The following NPAS3 variants were observed in gnomAD, a reference collection of about 807,000 sequenced individuals.
NPAS3 encodes the protein neuronal PAS domain-containing protein 3.
Under a neutral mutation model 73.1 loss-of-function variants are expected in NPAS3, and 14 were observed. That is an observed-to-expected ratio of 0.19 (90% CI 0.13 to 0.30). NPAS3 has a LOEUF of 0.30. Among genes scored for constraint, NPAS3 ranks in the 10% least tolerant of loss-of-function variants. NPAS3 has a pLI of 1.00. For synonymous variants in NPAS3, 620 were observed against 541.5 expected (o/e 1.14, Z -2.01); for missense variants, 1,096 against 1,250.0 (o/e 0.88, Z 1.86).
chr14:33,437,808 A>G (rs573817160), intron 4 of NPAS3, among the ~76,000 whole-genome samples: 1 of 152,336 alleles, frequency 6.6e-6, no homozygotes, highest in South Asian at 2.1e-4. Flanking sequence ...CTTCCCTGTC[A>G]CAACTTTTCA....
chr14:33,025,461 G>A (rs181553305), intron 1 of NPAS3, among the ~76,000 whole-genome samples: 2 of 152,308 alleles, frequency 1.3e-5, no homozygotes, highest in Admixed American at 6.5e-5. Flanking sequence ...TAGTTCAGGT[G>A]TTAACTTGCT....
chr14:33,446,670 CTTTT>C (rs2049523305), intron 4 of NPAS3, among the ~76,000 whole-genome samples: 1 of 152,032 alleles, frequency 6.6e-6, no homozygotes, highest in South Asian at 2.1e-4. Flanking sequence ...TTCTTTCTTT[CTTTT>C]TAACTGCGTA....
At chr14:33,539,562 T>C (rs1375073144) in intron 4 of NPAS3, among the ~76,000 whole-genome samples, 1 of 151,942 alleles carries the variant, frequency 6.6e-6, no homozygotes, top group African/African-American at 2.4e-5. Context: ...TAGAAGGAAG[T>C]TTCATGTTGC....
chr14:33,301,320 A>AT (rs1401695395), intron 3 of NPAS3, among the ~76,000 whole-genome samples: 1,638 of 100,010 alleles, frequency 0.016, 179 homozygotes, highest in East Asian at 0.024. Flanking sequence ...ATATATATAT[A>AT]TATTTTTTTT....
chr14:33,307,553 G>T (rs775375451), intron 3 of NPAS3, among the ~76,000 whole-genome samples: 20 of 142,212 alleles, frequency 1.4e-4, no homozygotes, highest in South Asian at 9.0e-4. Context: ...AACTCTTCCT[G>T]CCAACTGTAA....
intron 5 of NPAS3, among the ~76,000 whole-genome samples, chr14:33,642,133 C>G (rs1340822093): frequency 6.6e-6 from 1 of 152,062 alleles, no homozygotes; most frequent in Non-Finnish European, 1.5e-5. Flanking sequence ...CAGAGGGCAG[C>G]GCTGAAGTTT....
chr14:33,469,051 G>A (rs1340984820), intron 4 of NPAS3, among the ~76,000 whole-genome samples: 1 of 152,106 alleles, frequency 6.6e-6, no homozygotes, highest in Admixed American at 6.6e-5. Context: ...GCATAGTACA[G>A]TATTTCCATC....
chr14:33,538,839 C>G (rs887709612), intron 4 of NPAS3, among the ~76,000 whole-genome samples: 8 of 152,162 alleles, frequency 5.3e-5, no homozygotes, highest in African/African-American at 1.9e-4. Flanking sequence ...AGACCCTACA[C>G]TTTTTTCTTG....
chr14:33,295,725 A>T (rs891009488), intron 3 of NPAS3, among the ~76,000 whole-genome samples: 1 of 152,212 alleles, frequency 6.6e-6, no homozygotes, highest in Non-Finnish European at 1.5e-5. Context: ...AGAGGTATTT[A>T]TAGAGTCCAT....
intron 5 of NPAS3, among the ~76,000 whole-genome samples, chr14:33,659,895 C>T (rs978443340): frequency 1.3e-5 from 2 of 152,024 alleles, no homozygotes; most frequent in Non-Finnish European, 2.9e-5. Context: ...AAAGAATCCC[C>T]AGGTATAAAG....
chr14:33,533,834 A>T (rs1176146895), intron 4 of NPAS3, among the ~76,000 whole-genome samples: 1 of 152,142 alleles, frequency 6.6e-6, no homozygotes, highest in African/African-American at 2.4e-5. Flanking sequence ...GTTACACATC[A>T]TATATACATA....
chr14:33,417,145 G>A (rs1207668070), intron 4 of NPAS3, among the ~76,000 whole-genome samples: 5 of 151,928 alleles, frequency 3.3e-5, no homozygotes, highest in Non-Finnish European at 7.4e-5. Flanking sequence ...TAAAAAATTA[G>A]AATATGAATC....
chr14:33,413,005 T>A (rs2047993908), intron 4 of NPAS3, among the ~76,000 whole-genome samples: 1 of 152,202 alleles, frequency 6.6e-6, no homozygotes, highest in Non-Finnish European at 1.5e-5. Flanking sequence ...ATTACTTTTT[T>A]AAAAATATAA....
chr14:33,793,798 C>CGGTGGTCG, intron 9 of NPAS3, 99 bp from the exon 10 acceptor site: 1 of 1,177,210 alleles, frequency 8.5e-7, no homozygotes, highest in Non-Finnish European at 1.2e-6. Context: ...TGTAGGTCCT[C>CGGTGGTCG]CCATTTTTAG....
chr14:33,083,023 A>T (rs1288255689), intron 2 of NPAS3, among the ~76,000 whole-genome samples: 2 of 151,858 alleles, frequency 1.3e-5, no homozygotes, highest in Non-Finnish European at 2.9e-5. Flanking sequence ...TCTACAAAAA[A>T]ACACAAAACA....
intron 4 of NPAS3, among the ~76,000 whole-genome samples, chr14:33,458,198 G>GT (rs2050106578): frequency 6.6e-6 from 1 of 152,162 alleles, no homozygotes; most frequent in Non-Finnish European, 1.5e-5. Flanking sequence ...GTATTCTTTT[G>GT]TTTTTTAAAA....
At chr14:33,261,711 T>A (rs1425578098) in intron 3 of NPAS3, among the ~76,000 whole-genome samples, 1 of 152,180 alleles carries the variant, frequency 6.6e-6, no homozygotes, top group Non-Finnish European at 1.5e-5. Flanking sequence ...ATTTTATGTG[T>A]CAAAGTAATT....
intron 2 of NPAS3, among the ~76,000 whole-genome samples, chr14:33,169,497 G>A (rs1374732113): frequency 6.6e-6 from 1 of 152,202 alleles, no homozygotes; most frequent in Non-Finnish European, 1.5e-5. Flanking sequence ...GAACCCAGGA[G>A]GCGGAGGTTG....
chr14:33,775,665 T>A, intron 8 of NPAS3, among the ~76,000 whole-genome samples: 1 of 152,196 alleles, frequency 6.6e-6, no homozygotes, highest in African/African-American at 2.4e-5. Flanking sequence ...CATGAACCTG[T>A]TGCTGTTATT....
Sources: gnomAD v4.1 joint callset for allele counts (sites outside exome capture counted in the v4.1 genomes callset) on GRCh38, gnomAD v4.1.1 for gene constraint, MANE v1.5 for transcripts, NCBI Gene and HGNC (gene_info 2026-07-23, HGNC 2026-07-21) for gene names.